SRL: variants seen among roughly 807,000 people sequenced by gnomAD.
SRL encodes the protein sarcalumenin.
In SRL, 23 loss-of-function variants were observed where a neutral mutation model predicts 39.5. That is an observed-to-expected ratio of 0.58 (90% CI 0.42 to 0.82). The LOEUF (loss-of-function observed/expected upper bound fraction) is 0.82, where lower values mean the gene tolerates loss of function less well. Among genes scored for constraint, SRL ranks in the 40% least tolerant of loss-of-function variants. The pLI is 0.00. For missense variants in SRL, 592 were observed against 607.8 expected, an observed-to-expected ratio of 0.97 and a Z score of 0.27; for synonymous variants, 272 against 237.4, an observed-to-expected ratio of 1.15 and a Z score of -1.34.
intron 5 of SRL, among the ~76,000 whole-genome samples, chr16:4,193,506 G>A (rs541098306): frequency 1.3e-5 from 2 of 152,348 alleles, no homozygotes; most frequent in African/African-American, 4.8e-5. Context: ...TTACGGGGAA[G>A]GAATGTGGGC....
At chr16:4,200,778 C>G (rs893737051) in intron 3 of SRL, among the ~76,000 whole-genome samples, 1 of 152,210 alleles carries the variant, frequency 6.6e-6, no homozygotes, top group South Asian at 2.1e-4. Flanking sequence ...CTGCTTCCAG[C>G]TGTGTGATCC....
chr16:4,206,684 GC>G (rs1428497595), intron 1 of SRL: 1 of 456,710 alleles, frequency 2.2e-6, no homozygotes, highest in Non-Finnish European at 4.4e-6. Context: ...GGAGAATGCA[GC>G]TGCCCAAGGG....
chr16:4,207,161 G>A (rs778178875), intron 1 of SRL: 8 of 456,688 alleles, frequency 1.8e-5, no homozygotes, highest in East Asian at 6.9e-5. Flanking sequence ...CCCCATCGCC[G>A]CTGTCCTCTT....
chr16:4,192,137 A>G lies in SRL; in HGVS notation c.*16T>C, dbSNP rs752145107. The G allele has an allele frequency of 3.3e-6, 5 of 1,532,972 alleles. No homozygotes were observed. Among genetic ancestry groups the G allele is most frequent in the African/African-American group, 2.8e-5 (2 of 72,194 alleles). 95.0% of individuals were successfully genotyped at this position (1,532,972 alleles called of 1,614,324 possible). On this transcript the variant is annotated 3_prime_UTR_variant, in exon 6 of 6. Transcript: ENST00000399609. The surrounding 1 kb of genome is among the most constrained non-coding windows in gnomAD (Gnocchi z 4.0). ...AAGCTGATTCACCAACAGGAACCCA[A>G]GGACCGCTCCACCACCTAGTGCTTC...
At chr16:4,214,952 G>A (rs991509873) in intron 1 of SRL, among the ~76,000 whole-genome samples, 2 of 151,952 alleles carry the variant, frequency 1.3e-5, no homozygotes, top group Non-Finnish European at 2.9e-5. Flanking sequence ...ATTTTTAGTA[G>A]AGACAGGGTT....
chr16:4,219,347 G>A (rs910684568), intron 1 of SRL, among the ~76,000 whole-genome samples: 1 of 152,232 alleles, frequency 6.6e-6, no homozygotes, highest in Non-Finnish European at 1.5e-5. Flanking sequence ...GGGAGCTGGG[G>A]CCCCTGGATT....
At chr16:4,235,420 G>A (rs1277197480) in intron 1 of SRL, among the ~76,000 whole-genome samples, 5 of 152,242 alleles carry the variant, frequency 3.3e-5, no homozygotes, top group African/African-American at 7.2e-5. Context: ...AGTCAGCTGC[G>A]TGCAGTGGCT....
rs778170263 is a variant in SRL at position 4,195,671 on chromosome 16, C to T, written c.492G>A (p.Lys164=). ...GCTTCTCTAGGAAATTCTGGCCAAA[C>T]TTCTCAAGGGGTGAGAAGGAACGGG... ...DSARSFSPLE[K]FGQNFLEKLI... Residue 164 remains lysine (K), a synonymous_variant, in exon 5 of 6, where the codon AAG becomes AAA. Coordinates refer to ENST00000399609, the MANE Select transcript of SRL (RefSeq NM_001098814.2). 1.2e-6 allele frequency: 2 copies of T among 1,614,198 alleles called. No individual in the cohort carries two copies. The highest frequency in any genetic ancestry group is 1.7e-5 in the Admixed American group (1 of 60,018).
chr16:4,207,844 G>A, intron 1 of SRL: 1 of 456,502 alleles, frequency 2.2e-6, no homozygotes, highest in Middle Eastern at 3.3e-4. Context: ...CTTTCCCCAG[G>A]TGGAGGTGAC....
chr16:4,234,320 C>A (rs938041254), intron 1 of SRL, among the ~76,000 whole-genome samples: 2 of 152,154 alleles, frequency 1.3e-5, no homozygotes, highest in African/African-American at 2.4e-5. Context: ...TAAATTATTG[C>A]TTTAATTCTG....
intron 1 of SRL, among the ~76,000 whole-genome samples, chr16:4,229,987 C>T (rs912212693): frequency 5.9e-5 from 9 of 152,130 alleles, no homozygotes; most frequent in African/African-American, 2.2e-4. Flanking sequence ...CTCCCTTACT[C>T]TTTTCATCAC....
intron 1 of SRL, among the ~76,000 whole-genome samples, chr16:4,220,124 C>A (rs1453090314): frequency 2.6e-5 from 4 of 152,128 alleles, no homozygotes; most frequent in Non-Finnish European, 5.9e-5. Flanking sequence ...CCAGAACACC[C>A]AGCCACCCTA....
intron 1 of SRL, among the ~76,000 whole-genome samples, chr16:4,208,868 A>G (rs576957939): frequency 6.6e-6 from 1 of 152,266 alleles, no homozygotes; most frequent in Non-Finnish European, 1.5e-5. Flanking sequence ...TCCCCTTGTA[A>G]GGGACTGCAG....
intron 1 of SRL, among the ~76,000 whole-genome samples, chr16:4,221,646 GTTTTGTA>G (rs1440425489): frequency 6.6e-6 from 1 of 152,230 alleles, no homozygotes; most frequent in Non-Finnish European, 1.5e-5. Context: ...CCTGAATGTG[GTTTTGTA>G]TTTGTTCTAT....
intron 1 of SRL, among the ~76,000 whole-genome samples, chr16:4,213,757 TCTC>T (rs937441340): frequency 6.6e-6 from 1 of 152,166 alleles, no homozygotes; most frequent in Non-Finnish European, 1.5e-5. Context: ...AGCTGGGTCA[TCTC>T]CTGCCCTCAC....
intron 1 of SRL, among the ~76,000 whole-genome samples, chr16:4,212,142 A>G (rs1274760095): frequency 6.6e-6 from 1 of 152,134 alleles, no homozygotes; most frequent in Admixed American, 6.5e-5. Context: ...GTGTATGCAC[A>G]TTTATATTCA....
At chr16:4,196,879 T>A (rs1421193339) in intron 4 of SRL, among the ~76,000 whole-genome samples, 2 of 152,164 alleles carry the variant, frequency 1.3e-5, no homozygotes, top group African/African-American at 4.8e-5. Flanking sequence ...GTAGCAGATA[T>A]CAGAATTTCA....
At chr16:4,241,960 A>G in intron 1 of SRL, 47 bp downstream of exon 1, 1 of 1,607,100 alleles carries the variant, frequency 6.2e-7, no homozygotes, top group South Asian at 1.1e-5. Context: ...CCTTGGAGGA[A>G]GCGTGGGGGA....
Position 4,241,992 on chromosome 16 carries a change from T to A in SRL, c.61+15A>T. 6.2e-7 allele frequency: 1 copy of A among 1,613,726 alleles called. No individual in the cohort carries two copies. The highest frequency in any genetic ancestry group is 8.5e-7 in the Non-Finnish European group (1 of 1,179,900). On this transcript the variant is annotated intron_variant, in intron 1 of 5. Coordinates refer to ENST00000399609, the MANE Select transcript of SRL (RefSeq NM_001098814.2). ...GGGACCAGTCTGGGCTGGGTCATGC[T>A]GGGAGGGGCCCTACCTGCTTGTCCT...
Sources: allele counts gnomAD v4.1 joint callset (sites outside exome capture counted in the v4.1 genomes callset), GRCh38; gene constraint gnomAD v4.1.1; non-coding constraint Gnocchi (gnomAD v3.1); transcripts MANE v1.5; gene names NCBI Gene and HGNC (gene_info 2026-07-23, HGNC 2026-07-21).